Variants in DNAH5 observed in about 807,000 individuals in gnomAD.
DNAH5 encodes the protein axonemal beta dynein heavy chain 5.
DNAH5 carries 372 observed loss-of-function variants against 518.2 expected under a neutral mutation model. The ratio of observed to expected loss-of-function variants is 0.72; its 90% CI spans 0.66 to 0.78. DNAH5 has a LOEUF of 0.78. DNAH5 is among the 30% of genes least tolerant of loss of function. The pLI, the probability that DNAH5 is intolerant of heterozygous loss-of-function variation, is 0.00. For missense variants in DNAH5, 5,523 were observed against 5,687.0 expected (o/e 0.97, Z 0.93); for synonymous variants, 2,039 against 2,025.9 (o/e 1.01, Z -0.17).
chr5:13,890,126 G>A (rs1772990564), intron 17 of DNAH5, among the ~76,000 whole-genome samples: 1 of 152,136 alleles, frequency 6.6e-6, no homozygotes, highest in Non-Finnish European at 1.5e-5. Context: ...TAAATGAAGG[G>A]CCGGGCGCAG....
chr5:13,767,016 T>G (rs1297257106), intron 58 of DNAH5, among the ~76,000 whole-genome samples: 2 of 135,996 alleles, frequency 1.5e-5, no homozygotes, highest in Non-Finnish European at 3.2e-5. Context: ...CACATAAAAG[T>G]GAATGATTTT....
At chr5:13,849,215 G>C (rs992950252) in intron 31 of DNAH5, among the ~76,000 whole-genome samples, 1 of 152,224 alleles carries the variant, frequency 6.6e-6, no homozygotes, top group African/African-American at 2.4e-5. Flanking sequence ...CAGCAGTGCA[G>C]ACTCCCTGTC....
Position 13,717,335 on chromosome 5 carries a change from C to T in DNAH5, c.12685G>A (p.Asp4229Asn), listed in dbSNP as rs746241201. The T allele has an allele frequency of 7.9e-5, 128 of 1,613,816 alleles. No individual in the cohort carries two copies. Among genetic ancestry groups the T allele is most frequent in the Non-Finnish European group, 9.9e-5 (117 of 1,179,976 alleles). ...ATVQFIQNHL[D>N]DMDVKKGVSW... Reference sequence around the variant, plus strand: ...AGTACCTTTTTGACATCCATGTCATCCAAGTGGTTTTGGATGAACTGCACA... The same window carrying T: ...AGTACCTTTTTGACATCCATGTCATTCAAGTGGTTTTGGATGAACTGCACA... The change falls in exon 73 of 79, where the codon GAT (aspartate) becomes AAT (asparagine). Residue 4229 changes from aspartate (D) to asparagine (N), a missense_variant. Physicochemically the swap from Asp to Asn is conservative, Grantham distance 23. Coordinates refer to ENST00000265104, the MANE Select transcript of DNAH5 (RefSeq NM_001369.3).
intron 41 of DNAH5, among the ~76,000 whole-genome samples, chr5:13,818,115 C>A (rs1268545886): frequency 6.6e-6 from 1 of 152,186 alleles, no homozygotes; most frequent in East Asian, 1.9e-4. Context: ...TTTTCTTGCT[C>A]ACCTTGAAAA....
Position 13,776,662 on chromosome 5 carries a change from G to T in DNAH5, c.9150C>A (p.Ser3050Arg), listed in dbSNP as rs77477793. The T allele has an allele frequency of 6.2e-7, 1 of 1,613,730 alleles. No homozygotes were observed. The highest frequency in any genetic ancestry group is 8.5e-7 in the Non-Finnish European group (1 of 1,179,788). The change falls in exon 55 of 79, where the codon AGC (serine) becomes AGA (arginine). Residue 3050 changes from serine to arginine, a missense_variant. Physicochemically the swap from Ser to Arg is moderately radical, Grantham distance 110. Coordinates refer to ENST00000265104, the MANE Select transcript of DNAH5 (RefSeq NM_001369.3). ...CTTTTTTCATGACTGATGCCAGGTC[G>T]CTATTAATTTCATCAATTTCATCTC... ...FARDEIDEINSDLASVMKKEF... is the reference protein window; with the variant it reads ...FARDEIDEINRDLASVMKKEF...
Position 13,996,499 on chromosome 5 carries a change from G to A in DNAH5, c.12+15149C>T, listed in dbSNP as rs1783963163. On this transcript the variant is annotated intron_variant, in intron 1 of 78. Coordinates refer to the DNAH5 transcript ENST00000681290. Reference sequence around the variant, plus strand: ...GATTCATGTGAACCTATGAAATCAAGGAAGTTATGTGCTTCCAAAATATAA... The same window carrying A: ...GATTCATGTGAACCTATGAAATCAAAGAAGTTATGTGCTTCCAAAATATAA... Among the ~76,000 whole-genome samples, 3 of 152,290 alleles carry A rather than the reference G, an allele frequency of 2.0e-5. 1 individual carries two copies. In the South Asian group the frequency reaches 6.2e-4, roughly 32 times the overall value.
chr5:13,840,990 C>G lies in DNAH5; in HGVS notation c.5625G>C (p.Thr1875=). ...CTCGTTCCGTGGAACTCAGATCCCT[C>G]GTGGTGACGTCTATCAATGTATTGA... ...ELLNTLIDVT[T]RDLSSTERVK... Residue 1875 remains threonine, a synonymous_variant, in exon 34 of 79, where the codon ACG becomes ACC. Coordinates refer to ENST00000265104, the MANE Select transcript of DNAH5 (RefSeq NM_001369.3). The G allele has an allele frequency of 1.2e-6, 2 of 1,614,154 alleles. No homozygotes were observed. Among genetic ancestry groups the G allele is most frequent in the Non-Finnish European group, 1.7e-6 (2 of 1,179,990 alleles).
At chr5:13,840,788 T>C in intron 34 of DNAH5, 118 bp downstream of exon 34, 1 of 808,336 alleles carries the variant, frequency 1.2e-6, no homozygotes, top group African/African-American at 1.7e-5. Flanking sequence ...CAAACATGAT[T>C]CTTTGCCAGA....
In DNAH5 at chr5:13,719,105, T is replaced by C. The variant is rs1561106680; in HGVS notation, c.12280-4A>G. ...TCTGCAGAAGTGCCCATCCTCCCTG[T>C]CAATAGCAGTAAACGGAAATTAGGT... On this transcript the variant is annotated splice_region_variant and splice_polypyrimidine_tract_variant and intron_variant, in intron 71 of 78. Transcript: ENST00000265104. The C allele has an allele frequency of 6.2e-7, 1 of 1,611,414 alleles. No individual in the cohort carries two copies. The highest frequency in any genetic ancestry group is 8.5e-7 in the Non-Finnish European group (1 of 1,177,594).
chr5:13,984,503 A>C (rs1057152181), intron 1 of DNAH5, among the ~76,000 whole-genome samples: 32 of 152,248 alleles, frequency 2.1e-4, no homozygotes, highest in African/African-American at 7.7e-4. Flanking sequence ...CTCTTTTCTT[A>C]ATTGAATACC....
rs377747035 is a variant in DNAH5 at position 13,840,909 on chromosome 5, G to T, written c.5706C>A (p.Asp1902Glu). The change falls in exon 34 of 79, where the codon GAC becomes GAA. Residue 1902 changes from aspartate (D) to glutamate (E), a missense_variant. Physicochemically the swap from Asp to Glu is conservative, Grantham distance 45. Coordinates refer to ENST00000265104, the MANE Select transcript of DNAH5 (RefSeq NM_001369.3). ...ACAGCATTTATAAAGAATTTACCAG[G>T]TCATCAAAGATATCCCTTTGGTGCA... is the stretch of plus-strand genomic sequence containing the variant. ...IHVHQRDIFD[D>E]LCHMHIKSPM... is the part of the protein sequence containing the mutation. The T allele has an allele frequency of 7.4e-6, 12 of 1,612,324 alleles. No individual in the cohort carries two copies. The Admixed American group carries it at 1.8e-4, about 25-fold the overall frequency.
chr5:13,762,248 A>G (rs1336134389), intron 60 of DNAH5, among the ~76,000 whole-genome samples: 2 of 152,200 alleles, frequency 1.3e-5, no homozygotes, highest in Non-Finnish European at 2.9e-5. Context: ...CTTTCCTGAG[A>G]GACAAAACAA....
intron 53 of DNAH5, among the ~76,000 whole-genome samples, chr5:13,778,546 G>GA (rs1754495571): frequency 3.9e-5 from 2 of 51,080 alleles, no homozygotes; most frequent in South Asian, 1.6e-3. Flanking sequence ...AGAGAAGAAA[G>GA]AAAGAAAGAA....
In DNAH5 at chr5:13,911,376, T is replaced by TA; in HGVS notation, c.1644+9dup. The TA allele has an allele frequency of 6.2e-7, 1 of 1,605,036 alleles. No homozygotes were observed. The highest frequency in any genetic ancestry group is 1.7e-4 in the Middle Eastern group (1 of 6,032). Reference sequence around the variant, plus strand: ...ACGACTGTCAACAGGAATTTTATTATACAACCTACATGAAGGTCATTAGTC... The same window carrying TA: ...ACGACTGTCAACAGGAATTTTATTATAACAACCTACATGAAGGTCATTAGTC... On this transcript the variant is annotated intron_variant, in intron 12 of 78. Transcript: ENST00000265104.
Position 13,882,981 on chromosome 5 carries a change from T to C in DNAH5, c.3097A>G (p.Thr1033Ala), listed in dbSNP as rs1771886643. ...MAPALEDVQQ[T>A]LNKAVECIIS... ...ATGCACTCCACGGCTTTGTTCAGGGTCTGCTGTACATCTTCCAGGGCAGGG... is the reference window on the plus strand; with the variant it reads ...ATGCACTCCACGGCTTTGTTCAGGGCCTGCTGTACATCTTCCAGGGCAGGG... The change falls in exon 20 of 79, where the codon ACC becomes GCC. Residue 1033 changes from threonine to alanine, a missense_variant. Thr to Ala is a moderately conservative substitution (Grantham distance 58). Coordinates refer to ENST00000265104, the MANE Select transcript of DNAH5 (RefSeq NM_001369.3). 2 of 1,614,136 alleles carry C rather than the reference T, an allele frequency of 1.2e-6. No homozygotes were observed. Among genetic ancestry groups the C allele is most frequent in the South Asian group, 2.2e-5 (2 of 91,074 alleles).
chr5:13,835,223 G>A (rs1470566078), intron 35 of DNAH5, among the ~76,000 whole-genome samples: 1 of 151,710 alleles, frequency 6.6e-6, no homozygotes, highest in Non-Finnish European at 1.5e-5. Flanking sequence ...AGGTTGCGGT[G>A]AGCGGAGATC....
chr5:13,841,880 A>C lies in DNAH5; in HGVS notation c.5296T>G (p.Ser1766Ala). 2 of 1,594,484 alleles carry C rather than the reference A, an allele frequency of 1.3e-6. No homozygotes were observed. The highest frequency in any genetic ancestry group is 1.7e-5 in the Admixed American group (1 of 59,710). ...EKIYDRILSI[S>A]SQEGETIELD... is the part of the protein sequence containing the mutation. ...TCAATCGTCTCACCCTCTTGAGAGG[A>C]AATTGACAGAATTCGATCATAGATC... The change falls in exon 33 of 79, where the codon TCC becomes GCC. Residue 1766 changes from serine (S) to alanine (A), a missense_variant. By Grantham distance (99) the Ser-to-Ala change is moderately conservative. Around this residue, in one of 3 missense-constraint regions of DNAH5, gnomAD observed 5,121 missense variants for 5,223.3 expected, o/e 0.98. Coordinates refer to ENST00000265104, the MANE Select transcript of DNAH5 (RefSeq NM_001369.3).
rs1289715273 is a variant in DNAH5, at chr5:13,737,514, A to G, written c.11212-19T>C. ...CCAATTCCTATTAATTTGCATAAATATATTTTCTACCTCAATTAACAACTC... is the reference window on the plus strand; with the variant it reads ...CCAATTCCTATTAATTTGCATAAATGTATTTTCTACCTCAATTAACAACTC... On this transcript the variant is annotated intron_variant, in intron 65 of 78. Transcript: ENST00000265104. 1 of 1,612,310 alleles carries G rather than the reference A, an allele frequency of 6.2e-7. No individual in the cohort carries two copies. Among genetic ancestry groups the G allele is most frequent in the South Asian group, 1.1e-5 (1 of 91,030 alleles).
chr5:13,900,154 A>C (rs1205192732), intron 15 of DNAH5, 52 bp downstream of exon 15: 2 of 1,476,668 alleles, frequency 1.4e-6, no homozygotes, highest in Admixed American at 3.4e-5. Flanking sequence ...ATTTTTTTAT[A>C]ATACATTCCA....
Sources: allele counts gnomAD v4.1 joint callset (sites outside exome capture counted in the v4.1 genomes callset), GRCh38; gene constraint gnomAD v4.1.1; regional missense constraint gnomAD v4.1.1; transcripts MANE v1.5; gene names NCBI Gene and HGNC (gene_info 2026-07-23, HGNC 2026-07-21).